Variants in MAL observed in about 807,000 individuals in gnomAD.
The protein encoded by MAL is mal, T cell differentiation protein (MAL blood group).
MAL carries 5 observed loss-of-function variants against 16.7 expected under a neutral mutation model. The ratio of observed to expected loss-of-function variants is 0.30; its 90% CI spans 0.16 to 0.63. The LOEUF is 0.63. MAL is among the 30% of genes least tolerant of loss of function. The pLI is 0.82. For missense variants in MAL, 202 were observed against 195.8 expected, an observed-to-expected ratio of 1.03 and a Z score of -0.19; for synonymous variants, 96 against 85.5, an observed-to-expected ratio of 1.12 and a Z score of -0.67.
chr2:95,039,368 GTAAC>G (rs757670236), intron 1 of MAL, among the ~76,000 whole-genome samples: 28 of 143,106 alleles, frequency 2.0e-4, no homozygotes, highest in South Asian at 4.5e-4. Flanking sequence ...GACTGACTGA[GTAAC>G]TGAGTGAGTG....
At chr2:95,039,231 A>T (rs573214718) in intron 1 of MAL, among the ~76,000 whole-genome samples, 5 of 150,200 alleles carry the variant, frequency 3.3e-5, no homozygotes, top group Non-Finnish European at 1.5e-5. Flanking sequence ...TGAGTGAGTG[A>T]CTGAGTGACT....
At chr2:95,045,152 G>A (rs1345802978) in intron 1 of MAL, among the ~76,000 whole-genome samples, 1 of 152,210 alleles carries the variant, frequency 6.6e-6, no homozygotes, top group East Asian at 1.9e-4. Context: ...GCTCCACCCT[G>A]AGCCCTTCTT....
intron 1 of MAL, among the ~76,000 whole-genome samples, chr2:95,044,140 T>C (rs768938604): frequency 6.6e-6 from 1 of 152,330 alleles, no homozygotes; most frequent in South Asian, 2.1e-4. Context: ...GAAGACATTA[T>C]ACTAAATGAA....
At chr2:95,035,875 T>G (rs895867733) in intron 1 of MAL, among the ~76,000 whole-genome samples, 3 of 152,088 alleles carry the variant, frequency 2.0e-5, no homozygotes, top group African/African-American at 7.2e-5. Flanking sequence ...TTCACCGTGT[T>G]AGCCAGGATA....
rs748522255 is a variant in MAL at position 95,052,596 on chromosome 2, T to G, written c.388-785T>G. 4.6e-5 allele frequency among the ~76,000 whole-genome samples: 7 copies of G among 152,244 alleles called. No homozygotes were observed. The South Asian group carries it at 6.2e-4, about 14-fold the overall frequency. ...TGGACGTCGTGCCTGAGCTGGAAAC[T>G]CTTGACCCCTAACCAAGGTCACAAA... On this transcript the variant is annotated intron_variant, in intron 3 of 3. Transcript: ENST00000309988.
intron 1 of MAL, among the ~76,000 whole-genome samples, chr2:95,046,430 G>T (rs542907638): frequency 8.5e-5 from 13 of 152,330 alleles, no homozygotes; most frequent in African/African-American, 3.1e-4. Context: ...TGGGGGAGAT[G>T]AGGAGAAGGG....
chr2:95,038,269 A>T (rs1455967851), intron 1 of MAL, among the ~76,000 whole-genome samples: 11 of 84,062 alleles, frequency 1.3e-4, no homozygotes, highest in East Asian at 3.9e-4. Flanking sequence ...AGTGAGTGAG[A>T]GACTGAGTGA....
chr2:95,041,784 A>G (rs1422677584), intron 1 of MAL, among the ~76,000 whole-genome samples: 1 of 152,146 alleles, frequency 6.6e-6, no homozygotes, highest in East Asian at 1.9e-4. Context: ...AAGTTCACAC[A>G]AGAGCTCCCA....
At chr2:95,038,468 GTGAGTGAGTGAC>G (rs1674317655) in intron 1 of MAL, among the ~76,000 whole-genome samples, 1 of 148,094 alleles carries the variant, frequency 6.8e-6, no homozygotes, top group Non-Finnish European at 1.5e-5. Context: ...GACTGAGTGG[GTGAGTGAGTGAC>G]TGAGTGAGTG....
chr2:95,049,647 A>G lies in MAL; in HGVS notation c.328A>G (p.Thr110Ala), dbSNP rs909792680. The change falls in exon 3 of 4, where the codon ACC (threonine) becomes GCC (alanine). Residue 110 changes from threonine to alanine, a missense_variant. By Grantham distance (58) the Thr-to-Ala change is moderately conservative (BLOSUM62 0). Coordinates refer to ENST00000309988, the MANE Select transcript of MAL (RefSeq NM_002371.4). Reference protein sequence around the residue: ...LSASVLEALATITMQDGFTYR... With the variant: ...LSASVLEALAAITMQDGFTYR... ...CGCCTCAGTCCTGGAGGCCCTGGCC[A>G]CCATCACGATGCAAGACGGCTTCAC... 6.2e-7 allele frequency: 1 copy of G among 1,613,792 alleles called. No homozygotes were observed. The highest frequency in any genetic ancestry group is 8.5e-7 in the Non-Finnish European group (1 of 1,179,888).
chr2:95,046,273 G>T (rs1674583220), intron 1 of MAL, among the ~76,000 whole-genome samples: 1 of 152,150 alleles, frequency 6.6e-6, no homozygotes, highest in Non-Finnish European at 1.5e-5. Flanking sequence ...CCCATCCTCA[G>T]CCCCCCAGAC....
At chr2:95,037,077 G>A (rs1219580229) in intron 1 of MAL, among the ~76,000 whole-genome samples, 1 of 150,428 alleles carries the variant, frequency 6.6e-6, no homozygotes, top group African/African-American at 2.4e-5. Context: ...GACTGAGTGG[G>A]TGAGTGAATG....
At chr2:95,046,833 AAGAGAGAGAAAGAGAAAGGGAGAG>A (rs1165421697) in intron 1 of MAL, among the ~76,000 whole-genome samples, 101 of 151,692 alleles carry the variant, frequency 6.7e-4, no homozygotes, top group African/African-American at 2.2e-3. Context: ...AAGAGAAAGA[AAGAGAGAGAAAGAGAAAGGGAGAG>A]AGAGAGAGAA....
At chr2:95,043,257 C>T (rs1674510931) in intron 1 of MAL, among the ~76,000 whole-genome samples, 1 of 152,242 alleles carries the variant, frequency 6.6e-6, no homozygotes, top group Admixed American at 6.5e-5. Flanking sequence ...GCTGGTTGTC[C>T]ACCTGCATGT....
intron 1 of MAL, among the ~76,000 whole-genome samples, chr2:95,031,182 A>G (rs2104330084): frequency 6.6e-6 from 1 of 152,330 alleles, no homozygotes; most frequent in East Asian, 1.9e-4. Flanking sequence ...CACTTCTGGC[A>G]GTGAGCAGAT....
chr2:95,036,065 G>A (rs2104336825), intron 1 of MAL, among the ~76,000 whole-genome samples: 1 of 152,300 alleles, frequency 6.6e-6, no homozygotes, highest in Admixed American at 6.5e-5. Context: ...ATTAGATAAG[G>A]AACACTGTCT....
Position 95,052,455 on chromosome 2 carries a change from C to T in MAL, c.388-926C>T, listed in dbSNP as rs550136644. Among the ~76,000 whole-genome samples the T allele has an allele frequency of 3.9e-5, 6 of 152,318 alleles. No individual in the cohort carries two copies. The East Asian group carries it at 7.7e-4, about 20-fold the overall frequency. On this transcript the variant is annotated intron_variant, in intron 3 of 3. Coordinates refer to ENST00000309988, the MANE Select transcript of MAL (RefSeq NM_002371.4). ...TTATTCAATAATTCAGCTTACTCAC[C>T]GCCTCCAGGCAATGAGGGAAAGGGC...
chr2:95,038,699 A>T (rs1357930406), intron 1 of MAL, among the ~76,000 whole-genome samples: 3 of 151,522 alleles, frequency 2.0e-5, no homozygotes, highest in Non-Finnish European at 2.9e-5. Flanking sequence ...TGACTGAGTG[A>T]CTGAGTGGGT....
intron 1 of MAL, among the ~76,000 whole-genome samples, chr2:95,030,027 C>T (rs1674037438): frequency 6.6e-6 from 1 of 152,224 alleles, no homozygotes; most frequent in South Asian, 2.1e-4. Flanking sequence ...GACCTCCCAA[C>T]AGCCTGGGAG....
Sources: gnomAD v4.1 joint callset for allele counts (sites outside exome capture counted in the v4.1 genomes callset) on GRCh38, gnomAD v4.1.1 for gene constraint, MANE v1.5 for transcripts, NCBI Gene and HGNC (gene_info 2026-07-23, HGNC 2026-07-21) for gene names.